Variants in L3MBTL4 observed in about 807,000 individuals in gnomAD.
L3MBTL4 encodes lethal(3)malignant brain tumor-like protein 4.
In L3MBTL4, 70 loss-of-function variants were observed where a neutral mutation model predicts 84.5. The ratio of observed to expected loss-of-function variants is 0.83; its 90% confidence interval spans 0.68 to 1.01. L3MBTL4 has a LOEUF of 1.01. L3MBTL4 is among the 50% of genes least tolerant of loss of function. The pLI is 0.00. For synonymous variants in L3MBTL4, 274 were observed against 259.8 expected (o/e 1.05, Z -0.52); for missense variants, 715 against 754.8 (o/e 0.95, Z 0.62).
At chr18:6,292,943 A>G (rs2049932759) in intron 4 of L3MBTL4, among the ~76,000 whole-genome samples, 1 of 152,110 alleles carries the variant, frequency 6.6e-6, no homozygotes, top group Non-Finnish European at 1.5e-5. Flanking sequence ...CCAAAACTTT[A>G]CTAGTGCCAA....
At chr18:5,966,013 C>A (rs1460579183) in intron 17 of L3MBTL4, among the ~76,000 whole-genome samples, 1 of 152,150 alleles carries the variant, frequency 6.6e-6, no homozygotes, top group Non-Finnish European at 1.5e-5. Flanking sequence ...GGCTGAGATT[C>A]CACCTGTACC....
intron 12 of L3MBTL4, among the ~76,000 whole-genome samples, chr18:6,190,950 T>C (rs546732182): frequency 7.2e-5 from 11 of 152,268 alleles, no homozygotes; most frequent in Non-Finnish European, 1.5e-4. Context: ...AGAAGTCTAG[T>C]TTGGCTGGAG....
chr18:6,205,114 C>A (rs565427070), intron 12 of L3MBTL4, among the ~76,000 whole-genome samples: 1 of 152,094 alleles, frequency 6.6e-6, no homozygotes, highest in Non-Finnish European at 1.5e-5. Flanking sequence ...GATCTTGAGA[C>A]GAGGGATCGT....
intron 12 of L3MBTL4, among the ~76,000 whole-genome samples, chr18:6,193,653 G>A (rs2045235818): frequency 6.6e-6 from 1 of 152,218 alleles, no homozygotes; most frequent in African/African-American, 2.4e-5. Context: ...CGGATAAAGG[G>A]CGAGATACAG....
chr18:6,047,988 T>C (rs1242481834), intron 16 of L3MBTL4, among the ~76,000 whole-genome samples: 1 of 152,116 alleles, frequency 6.6e-6, no homozygotes, highest in Non-Finnish European at 1.5e-5. Context: ...GACAGTACGA[T>C]TCTACACCTA....
chr18:5,958,498 C>T (rs1022203216), intron 18 of L3MBTL4, among the ~76,000 whole-genome samples: 1 of 152,104 alleles, frequency 6.6e-6, no homozygotes, highest in Admixed American at 6.5e-5. Flanking sequence ...GTGATGGTGA[C>T]AACAACAGCT....
At chr18:6,087,515 A>AG (rs2058296865) in intron 15 of L3MBTL4, among the ~76,000 whole-genome samples, 1 of 152,064 alleles carries the variant, frequency 6.6e-6, no homozygotes, top group African/African-American at 2.4e-5. Context: ...GGGGAGCTGG[A>AG]GGGGGGCTGC....
chr18:6,287,661 G>A lies in L3MBTL4; in HGVS notation c.127+14242C>T, dbSNP rs1319354908. The stretch of plus-strand genomic sequence containing the variant: ...CTTATCTTCAAGGACAAAGAGTCAA[G>A]ACCAAGAAAATACTATGCAGACCTT... On this transcript the variant is annotated intron_variant, in intron 4 of 18. Transcript: ENST00000317931. Among the ~76,000 whole-genome samples, 4 of 152,170 alleles carry A rather than the reference G, an allele frequency of 2.6e-5. No individual in the cohort carries two copies. In the East Asian group the frequency reaches 7.7e-4, roughly 29 times the overall value.
At chr18:6,071,693 GAA>G (rs2057616384) in intron 16 of L3MBTL4, among the ~76,000 whole-genome samples, 1 of 97,394 alleles carries the variant, frequency 1.0e-5, no homozygotes, top group Admixed American at 1.1e-4. Context: ...GAGAAAGAAA[GAA>G]AGAAAGAAAG....
chr18:6,100,714 C>T (rs896195130), intron 14 of L3MBTL4, among the ~76,000 whole-genome samples: 7 of 152,206 alleles, frequency 4.6e-5, no homozygotes, highest in African/African-American at 1.7e-4. Context: ...CCCCTGGATG[C>T]CACCCTGGCT....
intron 1 of L3MBTL4, among the ~76,000 whole-genome samples, chr18:6,402,441 A>G (rs73938423): frequency 0.018 from 2,755 of 152,326 alleles, 83 homozygotes; most frequent in African/African-American, 0.062. Flanking sequence ...TCAACTCTTT[A>G]TACACACACA....
chr18:6,205,835 T>A (rs1178804712), intron 12 of L3MBTL4, among the ~76,000 whole-genome samples: 2 of 152,232 alleles, frequency 1.3e-5, no homozygotes, highest in East Asian at 1.9e-4. Flanking sequence ...ATGTTTGGCA[T>A]AATTAGCTAA....
intron 1 of L3MBTL4, among the ~76,000 whole-genome samples, chr18:6,368,708 C>A (rs1329836822): frequency 1.3e-5 from 2 of 152,168 alleles, no homozygotes; most frequent in Non-Finnish European, 2.9e-5. Flanking sequence ...CTTTAAGCAA[C>A]TGGCAAACAG....
chr18:6,377,481 A>C (rs8086271), intron 1 of L3MBTL4, among the ~76,000 whole-genome samples: 36,358 of 151,748 alleles, frequency 0.24, 7,139 homozygotes, highest in African/African-American at 0.54. Flanking sequence ...TAGCCTCCCA[A>C]CCCTCAACAG....
At chr18:6,280,081 C>T (rs2049260652) in intron 4 of L3MBTL4, among the ~76,000 whole-genome samples, 2 of 152,124 alleles carry the variant, frequency 1.3e-5, no homozygotes, top group Admixed American at 6.5e-5. Context: ...CTCCACAGCT[C>T]GCTAACCTTT....
chr18:6,349,634 C>A (rs1480243572), intron 1 of L3MBTL4, among the ~76,000 whole-genome samples: 1 of 152,060 alleles, frequency 6.6e-6, no homozygotes, highest in Non-Finnish European at 1.5e-5. Flanking sequence ...GCAGGAGAAT[C>A]ACTTGAGCTC....
At chr18:6,359,935 G>C (rs2053608895) in intron 1 of L3MBTL4, among the ~76,000 whole-genome samples, 1 of 152,044 alleles carries the variant, frequency 6.6e-6, no homozygotes, top group African/African-American at 2.4e-5. Context: ...CTCCCTTCTT[G>C]CTTTCATAAT....
At position 6,358,019 on chromosome 18, in the gene L3MBTL4, C is replaced by T. The variant is rs192602534; in HGVS notation, c.-90-45963G>A. Among the ~76,000 whole-genome samples the T allele has an allele frequency of 1.5e-4, 23 of 152,306 alleles. No homozygotes were observed. The East Asian group carries it at 4.2e-3, about 28-fold the overall frequency. Reference sequence around the variant, plus strand: ...TGAAGACAAAGCGGAGCACACATCACGAAAAGTGTCTGTCTCATCCGCAGC... The same window carrying T: ...TGAAGACAAAGCGGAGCACACATCATGAAAAGTGTCTGTCTCATCCGCAGC... On this transcript the variant is annotated intron_variant, in intron 1 of 18. Coordinates refer to ENST00000317931, the MANE Select transcript of L3MBTL4 (RefSeq NM_001330559.2).
chr18:6,026,138 C>G (rs562268644), intron 16 of L3MBTL4, among the ~76,000 whole-genome samples: 1 of 152,158 alleles, frequency 6.6e-6, no homozygotes, highest in Non-Finnish European at 1.5e-5. Context: ...CTACAATGAA[C>G]ATTCTTTTAG....
Sources: gnomAD v4.1 joint callset for allele counts (sites outside exome capture counted in the v4.1 genomes callset) on GRCh38, gnomAD v4.1.1 for gene constraint, MANE v1.5 for transcripts, NCBI Gene and HGNC (gene_info 2026-07-23, HGNC 2026-07-21) for gene names.